Variants in GIGYF2 observed in about 807,000 individuals in gnomAD.
The protein encoded by GIGYF2 is GRB10-interacting GYF protein 2.
Under a neutral mutation model 208.1 loss-of-function variants are expected in GIGYF2, and 25 were observed. That is an observed-to-expected ratio of 0.12 (90% CI 0.09 to 0.17). The LOEUF (loss-of-function observed/expected upper bound fraction) is 0.17, where lower values mean the gene tolerates loss of function less well. Among genes scored for constraint, GIGYF2 ranks in the 10% least tolerant of loss-of-function variants. The probability of loss-of-function intolerance (pLI) is 1.00; values close to 1 mark genes in which losing one functional copy is unlikely to be tolerated. For missense variants in GIGYF2, 1,302 were observed against 1,579.4 expected (o/e 0.82, Z 2.98); for synonymous variants, 534 against 543.8 (o/e 0.98, Z 0.25).
intron 28 of GIGYF2, among the ~76,000 whole-genome samples, chr2:232,854,745 A>G (rs1690487493): frequency 6.6e-6 from 1 of 152,166 alleles, no homozygotes; most frequent in Non-Finnish European, 1.5e-5. Flanking sequence ...TATTTTATGT[A>G]AGGCATTTTT....
chr2:232,739,361 A>ACCC lies in GIGYF2; in HGVS notation c.41+4134_41+4136dup, dbSNP rs35983968. 1.4e-3 allele frequency among the ~76,000 whole-genome samples: 106 copies of ACCC among 75,626 alleles called. 2 individuals carry two copies. Among genetic ancestry groups the ACCC allele is most frequent in the Non-Finnish European group, 1.7e-3 (69 of 39,682 alleles). The allele number at this position is 75,626 out of a possible 152,430, so 49.6% of individuals were successfully genotyped here. On this transcript the variant is annotated intron_variant, in intron 3 of 28. Coordinates refer to ENST00000373563, the MANE Select transcript of GIGYF2 (RefSeq NM_001103146.3). Reference sequence around the variant, plus strand: ...CAACAAGCCTGGGCAACAAAAGCAAACCCCCCCCCCCCCGCAAAAAAAAAG... The same window carrying ACCC: ...CAACAAGCCTGGGCAACAAAAGCAAACCCCCCCCCCCCCCCCGCAAAAAAAAAG...
At chr2:232,820,484 T>G (rs1181798381) in intron 21 of GIGYF2, among the ~76,000 whole-genome samples, 1 of 151,918 alleles carries the variant, frequency 6.6e-6, no homozygotes, top group East Asian at 1.9e-4. Context: ...CTGGCTAATT[T>G]TTTGTATTTT....
rs191536007 is a variant in GIGYF2 at position 232,806,936 on chromosome 2, A to G, written c.1806+279A>G. On this transcript the variant is annotated intron_variant, in intron 15 of 28. Coordinates refer to ENST00000373563, the MANE Select transcript of GIGYF2 (RefSeq NM_001103146.3). The surrounding 1 kb of genome is among the most constrained non-coding windows in gnomAD (Gnocchi z 4.0). ...TTCCAGCAGATGTAGAATGAAGACCAACATCTTATCCTGGCCTACCTACGA... is the reference window on the plus strand; with the variant it reads ...TTCCAGCAGATGTAGAATGAAGACCGACATCTTATCCTGGCCTACCTACGA... Among the ~76,000 whole-genome samples the G allele has an allele frequency of 6.6e-6, 1 of 152,266 alleles. No individual in the cohort carries two copies. The highest frequency in any genetic ancestry group is 1.5e-5 in the Non-Finnish European group (1 of 68,024).
At position 232,816,897 on chromosome 2, in the gene GIGYF2, A is replaced by G. The variant is rs1346070287; in HGVS notation, c.2235A>G (p.Glu745=). The G allele has an allele frequency of 6.2e-7, 1 of 1,613,374 alleles. No individual in the cohort carries two copies. Among genetic ancestry groups the G allele is most frequent in the Admixed American group, 1.7e-5 (1 of 59,992 alleles). The change falls in exon 20 of 29, where the codon GAA becomes GAG. Residue 745 remains glutamate (E), a synonymous_variant. Transcript: ENST00000373563. ...AKLEQERREA[E]MRAKREEEER... ...TAGAGCAAGAGAGAAGAGAGGCAGA[A>G]ATGAGGGCAAAACGGGAAGAGGAAG... is the stretch of plus-strand genomic sequence containing the variant.
At chr2:232,821,300 T>C (rs1701074316) in intron 21 of GIGYF2, among the ~76,000 whole-genome samples, 1 of 152,160 alleles carries the variant, frequency 6.6e-6, no homozygotes. Flanking sequence ...CCTCCCAGGT[T>C]CAGGCAGTTC....
chr2:232,771,223 A>G (rs745935897), intron 8 of GIGYF2: 2 of 1,611,822 alleles, frequency 1.2e-6, no homozygotes, highest in Non-Finnish European at 1.7e-6. Context: ...GTCCATTAGG[A>G]TTCCCCAAGC....
At chr2:232,753,172 A>G (rs1034820501) in intron 5 of GIGYF2, among the ~76,000 whole-genome samples, 2 of 151,174 alleles carry the variant, frequency 1.3e-5, no homozygotes, top group Non-Finnish European at 3.0e-5. Flanking sequence ...TGCCCAGGCT[A>G]GAGTGCAGTG....
In GIGYF2 at chr2:232,791,442, G is replaced by A. The variant is rs767600397; in HGVS notation, c.1278G>A (p.Gly426=). 2 of 1,612,836 alleles carry A rather than the reference G, an allele frequency of 1.2e-6. No homozygotes were observed. The highest frequency in any genetic ancestry group is 1.7e-6 in the Non-Finnish European group (2 of 1,179,306). The change falls in exon 12 of 29, where the codon GGG becomes GGA. Residue 426 remains glycine, a synonymous_variant. Coordinates refer to ENST00000373563, the MANE Select transcript of GIGYF2 (RefSeq NM_001103146.3). ...NSLPAKVPSR[G]DEMVADVQQP... ...TACCAGCCAAAGTGCCCAGCAGAGG[G>A]GATGGTATGTATTTGTGGGAATAGA...
chr2:232,730,340 C>T (rs1029882356), intron 2 of GIGYF2: 9 of 512,780 alleles, frequency 1.8e-5, no homozygotes, highest in African/African-American at 1.6e-4. Context: ...TGCAGTGGCT[C>T]ACGCCTGTAG....
rs1690656240 is a variant in GIGYF2, at chr2:232,858,504, T to C, written c.*1644T>C. The C allele has an allele frequency of 6.6e-6, 3 of 456,466 alleles. No individual in the cohort carries two copies. Among genetic ancestry groups the C allele is most frequent in the Non-Finnish European group, 8.8e-6 (2 of 226,800 alleles). The allele number at this position is 456,466 out of a possible 1,614,324, so 28.3% of individuals were successfully genotyped here. ...CTCCTACTCTCCTTTGCTTTGTAAA[T>C]TCAAAAGTTGGGGGTGGGTAAGAGG... On this transcript the variant is annotated 3_prime_UTR_variant, in exon 29 of 29. Transcript: ENST00000373563.
chr2:232,740,155 T>C (rs1025546396), intron 3 of GIGYF2, among the ~76,000 whole-genome samples: 1 of 152,128 alleles, frequency 6.6e-6, no homozygotes, highest in African/African-American at 2.4e-5. Context: ...TAAAACACTT[T>C]TGAGGATCAA....
At chr2:232,821,340 C>T (rs948743718) in intron 21 of GIGYF2, among the ~76,000 whole-genome samples, 3 of 152,302 alleles carry the variant, frequency 2.0e-5, no homozygotes, top group African/African-American at 7.2e-5. Flanking sequence ...GCTGGGACTA[C>T]AGGCATGTGC....
At chr2:232,729,476 A>G (rs916066642) in intron 2 of GIGYF2, 2 of 988,750 alleles carry the variant, frequency 2.0e-6, no homozygotes, top group Admixed American at 3.1e-5. Flanking sequence ...TTTTTTTTTA[A>G]TTAACCTCTC....
At chr2:232,732,108 A>C (rs925476297) in intron 2 of GIGYF2, among the ~76,000 whole-genome samples, 1 of 152,202 alleles carries the variant, frequency 6.6e-6, no homozygotes, top group African/African-American at 2.4e-5. Context: ...CATGCAAAGT[A>C]TTGGTGATGC....
chr2:232,763,761 G>A (rs1698837658), intron 8 of GIGYF2, among the ~76,000 whole-genome samples: 2 of 151,928 alleles, frequency 1.3e-5, no homozygotes, highest in South Asian at 2.1e-4. Flanking sequence ...AACCCGGGAG[G>A]TGGAGGCTGC....
intron 2 of GIGYF2, chr2:232,706,030 T>C (rs1268823758): frequency 1.3e-5 from 2 of 152,234 alleles, no homozygotes; most frequent in Admixed American, 6.5e-5. Context: ...GTAGCTCATA[T>C]ATACTTGGTG....
At chr2:232,730,329 G>A (rs1697406754) in intron 2 of GIGYF2, 2 of 524,714 alleles carry the variant, frequency 3.8e-6, no homozygotes. Context: ...TAGGGGCCGG[G>A]TGCAGTGGCT....
At chr2:232,728,286 T>C (rs1414926645) in intron 2 of GIGYF2, among the ~76,000 whole-genome samples, 2 of 152,198 alleles carry the variant, frequency 1.3e-5, no homozygotes, top group Admixed American at 1.3e-4. Flanking sequence ...CGATACATAG[T>C]AGGTTCGATT....
At chr2:232,750,731 C>CTGTGTGTGTG (rs61571808) in intron 5 of GIGYF2, among the ~76,000 whole-genome samples, 51 of 147,384 alleles carry the variant, frequency 3.5e-4, no homozygotes, top group South Asian at 6.6e-4. Context: ...TATATGAGCT[C>CTGTGTGTGTG]TGTGTGTGTG....
Sources: gnomAD v4.1 joint callset for allele counts (sites outside exome capture counted in the v4.1 genomes callset) on GRCh38, gnomAD v4.1.1 for gene constraint, Gnocchi (gnomAD v3.1) non-coding constraint, MANE v1.5 for transcripts, NCBI Gene and HGNC (gene_info 2026-07-23, HGNC 2026-07-21) for gene names.